Variants in MRPS27 observed in about 807,000 individuals in gnomAD.
The protein encoded by MRPS27 is mitochondrial ribosomal protein S27.
A neutral mutation model predicts 48.9 loss-of-function variants in MRPS27; 43 were observed. That is an observed-to-expected ratio of 0.88 (90% CI 0.69 to 1.13). The LOEUF is 1.13. Among genes scored for constraint, MRPS27 ranks in the 50% most tolerant of loss-of-function variants. MRPS27 has a pLI of 0.00. For synonymous variants in MRPS27, 188 were observed against 171.9 expected (o/e 1.09, Z -0.73); for missense variants, 467 against 476.3 (o/e 0.98, Z 0.18).
chr5:72,275,114 C>T (rs1749341016), intron 4 of MRPS27, among the ~76,000 whole-genome samples: 1 of 152,056 alleles, frequency 6.6e-6, no homozygotes, highest in Admixed American at 6.6e-5. Context: ...CGACACGATC[C>T]TATATTTAGA....
intron 4 of MRPS27, among the ~76,000 whole-genome samples, chr5:72,287,808 G>T (rs999693175): frequency 2.0e-5 from 3 of 152,206 alleles, no homozygotes; most frequent in African/African-American, 7.2e-5. Flanking sequence ...AACTGCTGTT[G>T]GGACTATAAA....
intron 4 of MRPS27, among the ~76,000 whole-genome samples, chr5:72,238,924 A>G (rs999563627): frequency 3.9e-5 from 6 of 152,266 alleles, no homozygotes; most frequent in Admixed American, 6.5e-5. Context: ...CCTGGGGTTC[A>G]TGACAAAAGA....
At chr5:72,221,277 C>T (rs183474829) in intron 10 of MRPS27, 129 bp from the exon 11 acceptor site, 3 of 1,176,504 alleles carry the variant, frequency 2.5e-6, no homozygotes, top group East Asian at 4.8e-5. Context: ...TAGTTTAGTC[C>T]TCATTCTAGT....
chr5:72,245,071 T>A (rs538161956), intron 4 of MRPS27, among the ~76,000 whole-genome samples: 1 of 152,258 alleles, frequency 6.6e-6, no homozygotes, highest in South Asian at 2.1e-4. Context: ...GAGGTGCCCA[T>A]CTGGAGATGG....
rs748010893 is a variant in MRPS27, at chr5:72,295,556, C to T, written c.256G>A (p.Asp86Asn). The T allele has an allele frequency of 1.2e-6, 2 of 1,611,100 alleles. No individual in the cohort carries two copies. Among genetic ancestry groups the T allele is most frequent in the South Asian group, 2.2e-5 (2 of 90,970 alleles). Residue 86 changes from aspartate (D) to asparagine (N), a missense_variant, in exon 4 of 11, where the codon GAT becomes AAT. Transcript: ENST00000261413. Reference sequence around the variant, plus strand: ...TTGTAAAGGTAATACTCTGCATGATCTATCTCTTCCCGAGAGGAAATGTTG... The same window carrying T: ...TTGTAAAGGTAATACTCTGCATGATTTATCTCTTCCCGAGAGGAAATGTTG... Reference protein sequence around the residue: ...IDNISSREEIDHAEYYLYKFR... With the variant: ...IDNISSREEINHAEYYLYKFR...
intron 1 of MRPS27, among the ~76,000 whole-genome samples, chr5:72,315,874 G>A (rs546744792): frequency 5.3e-5 from 8 of 152,080 alleles, no homozygotes; most frequent in Non-Finnish European, 1.2e-4. Flanking sequence ...TCCACTCCTA[G>A]GTTTACAACC....
At chr5:72,250,187 C>T (rs1351859040) in intron 4 of MRPS27, among the ~76,000 whole-genome samples, 1 of 152,044 alleles carries the variant, frequency 6.6e-6, no homozygotes, top group African/African-American at 2.4e-5. Flanking sequence ...TCTCTTCTTC[C>T]CAATAGTCTG....
intron 4 of MRPS27, among the ~76,000 whole-genome samples, chr5:72,279,916 GAAGT>G (rs1469257486): frequency 3.9e-5 from 6 of 152,102 alleles, no homozygotes; most frequent in Admixed American, 1.3e-4. Context: ...CATATATTTT[GAAGT>G]AAGAATGAAG....
At chr5:72,223,029 G>A (rs1469420400) in intron 10 of MRPS27, among the ~76,000 whole-genome samples, 1 of 152,152 alleles carries the variant, frequency 6.6e-6, no homozygotes, top group African/African-American at 2.4e-5. Context: ...CTTTGCACTA[G>A]ACAAGAATCA....
chr5:72,293,581 A>G (rs1274419313), intron 4 of MRPS27, among the ~76,000 whole-genome samples: 2 of 152,208 alleles, frequency 1.3e-5, no homozygotes, highest in African/African-American at 4.8e-5. Context: ...TAAAAACAGA[A>G]TTTCAACTTT....
chr5:72,303,418 C>T (rs1430956055), intron 2 of MRPS27, among the ~76,000 whole-genome samples: 2 of 151,914 alleles, frequency 1.3e-5, no homozygotes, highest in African/African-American at 4.8e-5. Context: ...AAAATGAGAA[C>T]TGTAAAAGAG....
chr5:72,303,882 C>CAA (rs397818748), intron 2 of MRPS27, among the ~76,000 whole-genome samples: 306 of 68,942 alleles, frequency 4.4e-3, no homozygotes, highest in South Asian at 5.3e-3. Context: ...GACCTCATCT[C>CAA]AAAAAAAAAA....
intron 9 of MRPS27, 65 bp from the exon 10 acceptor site, chr5:72,223,915 G>A: frequency 6.7e-7 from 1 of 1,501,538 alleles, no homozygotes; most frequent in Non-Finnish European, 9.0e-7. Flanking sequence ...GGTGAAGAAA[G>A]GCTAGAGAAG....
rs765097515 is a variant in MRPS27, at chr5:72,219,668, AG to A, written c.*1240del. On this transcript the variant is annotated 3_prime_UTR_variant, in exon 11 of 11. Coordinates refer to ENST00000261413, the MANE Select transcript of MRPS27 (RefSeq NM_015084.3). ...CTTTCACAGAAGAGACACTTCAGAAAGGAATTTTACATCTCCTGACAGTTTT... is the reference window on the plus strand; with the variant it reads ...CTTTCACAGAAGAGACACTTCAGAAAGAATTTTACATCTCCTGACAGTTTT... 9.2e-5 allele frequency: 14 copies of A among 152,238 alleles called. No individual in the cohort carries two copies. The highest frequency in any genetic ancestry group is 2.1e-4 in the Non-Finnish European group (14 of 68,046). 9.4% of individuals were successfully genotyped at this position (152,238 alleles called of 1,614,324 possible).
chr5:72,228,400 C>A, intron 7 of MRPS27, 32 bp from the exon 8 acceptor site: 1 of 1,442,410 alleles, frequency 6.9e-7, no homozygotes, highest in Non-Finnish European at 9.7e-7. Flanking sequence ...CATGATCCAT[C>A]TAAGCAATGA....
chr5:72,289,464 TA>T (rs1727111457), intron 4 of MRPS27, among the ~76,000 whole-genome samples: 1 of 151,976 alleles, frequency 6.6e-6, no homozygotes. Flanking sequence ...CTCTGTCACC[TA>T]CGCTGGAGTA....
In MRPS27 at chr5:72,253,121, G is replaced by A. The variant is rs571093841; in HGVS notation, c.282-14993C>T. On this transcript the variant is annotated intron_variant, in intron 4 of 10. Transcript: ENST00000261413. ...GAGGCTTTCTGGGGTCCTATGGTTC[G>A]ACTGCCTTGCTTCTGGACTACCTCT... Among the ~76,000 whole-genome samples, 3 of 152,266 alleles carry A rather than the reference G, an allele frequency of 2.0e-5. No individual in the cohort carries two copies. The South Asian group carries it at 6.2e-4, about 32-fold the overall frequency.
chr5:72,301,226 C>A (rs1580112543), intron 2 of MRPS27, among the ~76,000 whole-genome samples: 1 of 152,128 alleles, frequency 6.6e-6, no homozygotes, highest in Non-Finnish European at 1.5e-5. Context: ...GAACTTGATA[C>A]GATATGAAAG....
intron 2 of MRPS27, among the ~76,000 whole-genome samples, chr5:72,313,392 C>G (rs1372820351): frequency 6.6e-6 from 1 of 152,150 alleles, no homozygotes. Context: ...ATAAAACTAT[C>G]ACCAATCTAT....
Sources: allele counts gnomAD v4.1 joint callset (sites outside exome capture counted in the v4.1 genomes callset), GRCh38; gene constraint gnomAD v4.1.1; transcripts MANE v1.5; gene names NCBI Gene and HGNC (gene_info 2026-07-23, HGNC 2026-07-21).